The following SLC25A20 variants were observed in gnomAD, a reference collection of about 807,000 sequenced individuals.
SLC25A20 encodes mitochondrial carnitine/acylcarnitine carrier protein.
A neutral mutation model predicts 39.7 loss-of-function variants in SLC25A20; 29 were observed. The ratio of observed to expected loss-of-function variants is 0.73; its 90% confidence interval spans 0.54 to 1.00. The LOEUF is 1.00. Among genes scored for constraint, SLC25A20 ranks in the 50% least tolerant of loss-of-function variants. SLC25A20 has a pLI of 0.00. For missense variants in SLC25A20, 333 were observed against 379.9 expected (o/e 0.88, Z 1.03); for synonymous variants, 103 against 142.2 (o/e 0.72, Z 1.96).
chr3:48,872,945 C>T (rs892838538), intron 4 of SLC25A20, among the ~76,000 whole-genome samples: 2 of 152,130 alleles, frequency 1.3e-5, no homozygotes, highest in Non-Finnish European at 2.9e-5. Flanking sequence ...ATAGAAGGCC[C>T]GGGTACGGTG....
intron 1 of SLC25A20, among the ~76,000 whole-genome samples, chr3:48,893,891 T>C (rs1575993645): frequency 7.1e-6 from 1 of 140,078 alleles, no homozygotes; most frequent in Non-Finnish European, 1.5e-5. Flanking sequence ...CCAGGCGCGG[T>C]GGCTCACACC....
Position 48,857,553 on chromosome 3 carries a change from T to C in SLC25A20, c.*157A>G, listed in dbSNP as rs1428399646. ...ACACTAAGTTATACACGGTGCAGGA[T>C]GTCATTAAGGCAACAGTCTCACCAA... On this transcript the variant is annotated 3_prime_UTR_variant, in exon 9 of 9. Transcript: ENST00000319017. 5.8e-6 allele frequency: 4 copies of C among 692,052 alleles called. No individual in the cohort carries two copies. Among genetic ancestry groups the C allele is most frequent in the Non-Finnish European group, 8.0e-6 (3 of 376,104 alleles). The allele number at this position is 692,052 out of a possible 1,614,324, so 42.9% of individuals were successfully genotyped here.
chr3:48,864,417 A>T (rs1263543888), intron 4 of SLC25A20, among the ~76,000 whole-genome samples: 2 of 151,768 alleles, frequency 1.3e-5, no homozygotes, highest in Non-Finnish European at 2.9e-5. Context: ...TTGTATAAAT[A>T]AAACTCTAAA....
chr3:48,877,496 C>T (rs1027661655), intron 4 of SLC25A20, among the ~76,000 whole-genome samples: 8 of 151,704 alleles, frequency 5.3e-5, no homozygotes, highest in East Asian at 1.9e-4. Flanking sequence ...TTTGGGAGGC[C>T]GAGGTGGGTG....
chr3:48,876,076 C>A (rs1221664089), intron 4 of SLC25A20, among the ~76,000 whole-genome samples: 1 of 151,998 alleles, frequency 6.6e-6, no homozygotes, highest in African/African-American at 2.4e-5. Flanking sequence ...GGCACAGTGG[C>A]TCACGCCTAT....
At chr3:48,863,745 G>A (rs766794213) in intron 4 of SLC25A20, among the ~76,000 whole-genome samples, 4 of 152,190 alleles carry the variant, frequency 2.6e-5, no homozygotes, top group Admixed American at 6.5e-5. Context: ...GGCCGGGCAC[G>A]GTGGCTCACA....
intron 3 of SLC25A20, among the ~76,000 whole-genome samples, chr3:48,882,217 T>C (rs2083800512): frequency 6.6e-6 from 1 of 152,250 alleles, no homozygotes; most frequent in Admixed American, 6.5e-5. Context: ...TTAACTACTT[T>C]GTAAATTCTG....
chr3:48,881,331 T>A (rs2083793948), intron 3 of SLC25A20, among the ~76,000 whole-genome samples: 1 of 152,304 alleles, frequency 6.6e-6, no homozygotes, highest in East Asian at 1.9e-4. Context: ...GAGACCAACA[T>A]GTTCCATTTT....
chr3:48,876,303 C>T (rs2083756521), intron 4 of SLC25A20, among the ~76,000 whole-genome samples: 1 of 144,128 alleles, frequency 6.9e-6, no homozygotes, highest in South Asian at 2.3e-4. Context: ...GATCGTGCCA[C>T]TGATCTCCAG....
intron 4 of SLC25A20, among the ~76,000 whole-genome samples, chr3:48,879,111 T>C (rs1227335173): frequency 6.6e-6 from 1 of 152,002 alleles, no homozygotes; most frequent in Non-Finnish European, 1.5e-5. Context: ...CCTCAAGTGA[T>C]CCATCCTCCT....
rs1057519115 is a variant in SLC25A20 at position 48,892,040 on chromosome 3, A to G, written c.138T>C (p.Pro46=). The G allele has an allele frequency of 1.2e-6, 2 of 1,614,102 alleles. No individual in the cohort carries two copies. The highest frequency in any genetic ancestry group is 1.1e-5 in the South Asian group (1 of 91,090). ...TCCCAGAGTACATGGGAGGTTGTCC[A>G]GGCAAACTCGGTGGCTGTGTCTGCA... ...VRLQTQPPSL[P]GQPPMYSGTF... is the part of the protein sequence containing the mutation. Residue 46 remains proline (P), a synonymous_variant, in exon 2 of 9, where the codon CCT becomes CCC. Transcript: ENST00000319017.
At chr3:48,894,074 T>C (rs1473620329) in intron 1 of SLC25A20, among the ~76,000 whole-genome samples, 3 of 150,030 alleles carry the variant, frequency 2.0e-5, no homozygotes, top group Non-Finnish European at 4.4e-5. Flanking sequence ...GGCAGGAGAA[T>C]TGCTTGAACC....
At chr3:48,888,893 T>C (rs937638740) in intron 2 of SLC25A20, among the ~76,000 whole-genome samples, 5 of 151,970 alleles carry the variant, frequency 3.3e-5, no homozygotes, top group African/African-American at 1.2e-4. Flanking sequence ...GAGACCATCC[T>C]GGTTAACATG....
chr3:48,872,952 G>A (rs1382591992), intron 4 of SLC25A20, among the ~76,000 whole-genome samples: 9 of 152,156 alleles, frequency 5.9e-5, no homozygotes, highest in African/African-American at 1.7e-4. Context: ...GCCCGGGTAC[G>A]GTGGCTCATG....
intron 4 of SLC25A20, among the ~76,000 whole-genome samples, chr3:48,866,931 T>A (rs2083674512): frequency 6.6e-6 from 1 of 151,882 alleles, no homozygotes; most frequent in Admixed American, 6.6e-5. Flanking sequence ...GTAGCTGGGA[T>A]TACAGGCACC....
intron 2 of SLC25A20, among the ~76,000 whole-genome samples, chr3:48,885,808 C>T (rs922382981): frequency 6.6e-6 from 1 of 151,820 alleles, no homozygotes; most frequent in African/African-American, 2.4e-5. Context: ...CTCAAAAAAA[C>T]AAAACTAAAC....
intron 3 of SLC25A20, among the ~76,000 whole-genome samples, chr3:48,883,212 T>A (rs1420640947): frequency 6.9e-6 from 1 of 145,504 alleles, no homozygotes; most frequent in African/African-American, 2.5e-5. Context: ...CAAAAAAAAA[T>A]TTAAAATTAA....
chr3:48,862,302 A>G (rs1459954452), intron 5 of SLC25A20, among the ~76,000 whole-genome samples: 1 of 151,708 alleles, frequency 6.6e-6, no homozygotes, highest in Non-Finnish European at 1.5e-5. Context: ...TCTACTTGCC[A>G]CTCCCCTCCA....
intron 4 of SLC25A20, among the ~76,000 whole-genome samples, chr3:48,867,219 G>A (rs1362164801): frequency 6.6e-6 from 1 of 151,770 alleles, no homozygotes; most frequent in Non-Finnish European, 1.5e-5. Flanking sequence ...TGAGATTATA[G>A]GTGTGAGCCA....
Sources: gnomAD v4.1 joint callset for allele counts (sites outside exome capture counted in the v4.1 genomes callset) on GRCh38, gnomAD v4.1.1 for gene constraint, MANE v1.5 for transcripts, NCBI Gene and HGNC (gene_info 2026-07-23, HGNC 2026-07-21) for gene names.